Variants in ATP13A2 observed in about 807,000 individuals in gnomAD.
ATP13A2 encodes the protein ATPase cation transporting 13A2, also known as polyamine-transporting ATPase 13A2.
Under a neutral mutation model 138.3 loss-of-function variants are expected in ATP13A2, and 83 were observed. The ratio of observed to expected loss-of-function variants is 0.60; its 90% CI spans 0.50 to 0.72. The LOEUF is 0.72. Ranked by LOEUF, ATP13A2 falls within the 30% of genes least tolerant of loss-of-function variation. The pLI is 0.00. For synonymous variants in ATP13A2, 663 were observed against 699.0 expected (o/e 0.95, Z 0.81); for missense variants, 1,402 against 1,606.4 (o/e 0.87, Z 2.17).
Position 16,996,440 on chromosome 1 carries a change from TGATGG to T in ATP13A2, c.1247_1251del (p.Pro416GlnfsTer6). On this transcript the variant is annotated frameshift_variant, in exon 13 of 29. Transcript: ENST00000326735. LOFTEE classifies it high-confidence loss of function. ...ATGCTGTGTTTATAGAACTTGAAGT[TGATGG>T]GCCGGGGGTGCAAGATGGAGCTCAC... 6.2e-7 allele frequency: 1 copy of T among 1,614,114 alleles called. No homozygotes were observed. The highest frequency in any genetic ancestry group is 8.5e-7 in the Non-Finnish European group (1 of 1,180,012).
At position 16,995,822 on chromosome 1, in the gene ATP13A2, G is replaced by A. The variant is rs756154045; in HGVS notation, c.1542+154C>T. On this transcript the variant is annotated intron_variant, in intron 15 of 28. Transcript: ENST00000326735. The surrounding 1 kb of genome is among the most constrained non-coding windows in gnomAD (Gnocchi z 4.1). ...CAGACCGTGAGCCCAGTGAGGGCAGGAGTGGGATGGGGTGGATCCTCTGGG... is the reference window on the plus strand; with the variant it reads ...CAGACCGTGAGCCCAGTGAGGGCAGAAGTGGGATGGGGTGGATCCTCTGGG... 4.5e-6 allele frequency: 4 copies of A among 886,070 alleles called. No individual in the cohort carries two copies. The highest frequency in any genetic ancestry group is 1.7e-5 in the African/African-American group (1 of 60,606). The allele number at this position is 886,070 out of a possible 1,614,324, so 54.9% of individuals were successfully genotyped here. A position where few individuals can be genotyped will look rare whatever the true frequency, so the allele number is the denominator to read the frequency against.
At chr1:17,001,897 T>G (rs1170867447) in intron 8 of ATP13A2, 137 bp downstream of exon 8, 9 of 879,620 alleles carry the variant, frequency 1.0e-5, no homozygotes, top group East Asian at 2.7e-5. Flanking sequence ...CGGCAGGTTC[T>G]GAGATGACGA....
At position 16,991,758 on chromosome 1, in the gene ATP13A2, G is replaced by A. The variant is rs375764016; in HGVS notation, c.2227C>T (p.Arg743Cys). 41 of 1,614,130 alleles carry A rather than the reference G, an allele frequency of 2.5e-5. No individual in the cohort carries two copies. The African/African-American group carries it at 3.7e-4, about 15-fold the overall frequency. Residue 743 changes from arginine (R) to cysteine (C), a missense_variant, in exon 20 of 29, where the codon CGC becomes TGC. By Grantham distance (180) the Arg-to-Cys change is radical. Coordinates refer to ENST00000326735, the MANE Select transcript of ATP13A2 (RefSeq NM_022089.4). ...TPVIQALRRT[R>C]IRAVMVTGDN... ...CCTGTCACCATGACGGCGCGGATGC[G>A]GGTCCTTCGCAGAGCCTGGATAACT...
chr1:16,986,097 G>A lies in ATP13A2; in HGVS notation c.*124C>T, dbSNP rs15786. 0.052 allele frequency: 81,081 copies of A among 1,559,316 alleles called. 2,562 individuals carry two copies. Among genetic ancestry groups the A allele is most frequent in the Non-Finnish European group, 0.061 (69,707 of 1,152,050 alleles). On this transcript the variant is annotated 3_prime_UTR_variant, in exon 29 of 29. Coordinates refer to ENST00000326735, the MANE Select transcript of ATP13A2 (RefSeq NM_022089.4). This position sits in a 1 kb window ranked among gnomAD's most constrained non-coding sequence, Gnocchi z 6.9. The stretch of plus-strand genomic sequence containing the variant: ...CCAGGGTGGGGGTGGTCTCGGGGGA[G>A]GAGTGTAGACAGTCGCCAACCTCAG...
At chr1:17,005,578 G>T in intron 2 of ATP13A2, 22 bp from the exon 3 acceptor site, 1 of 1,614,206 alleles carries the variant, frequency 6.2e-7, no homozygotes, top group Non-Finnish European at 8.5e-7. Context: ...GCGAGAGAGG[G>T]CCCAGGTCGG....
At position 16,997,414 on chromosome 1, in the gene ATP13A2, C is replaced by CGGGGGG. The variant is rs1379881479; in HGVS notation, c.1040-245_1040-240dup. On this transcript the variant is annotated intron_variant, in intron 11 of 28. Coordinates refer to ENST00000326735, the MANE Select transcript of ATP13A2 (RefSeq NM_022089.4). ...GTGGCAGCCAGCTCCCTGGAACCAGCGGGGGGGGGTGGGTCAGACAGAGCA... is the reference window on the plus strand; with the variant it reads ...GTGGCAGCCAGCTCCCTGGAACCAGCGGGGGGGGGGGGGGGTGGGTCAGACAGAGCA... 8.0e-3 allele frequency among the ~76,000 whole-genome samples: 436 copies of CGGGGGG among 54,494 alleles called. 1 individual carries two copies. The highest frequency in any genetic ancestry group is 0.025 in the East Asian group (29 of 1,140). 35.8% of individuals were successfully genotyped at this position (54,494 alleles called of 152,430 possible).
chr1:17,001,833 G>A (rs2077369317), intron 8 of ATP13A2, among the ~76,000 whole-genome samples: 1 of 152,220 alleles, frequency 6.6e-6, no homozygotes. Context: ...TGTGACCCAA[G>A]CCTTGGGCAG....
chr1:17,011,684 C>A lies in ATP13A2; in HGVS notation c.10+45G>T. ...CAAGGGGTGACGACAACTGGCGGGC[C>A]GGGGACCGCGCCGGGCTCGGGGCCG... On this transcript the variant is annotated intron_variant, in intron 1 of 28. Transcript: ENST00000326735. The surrounding 1 kb of genome is among the most constrained non-coding windows in gnomAD (Gnocchi z 7.3). 6.8e-7 allele frequency: 1 copy of A among 1,481,084 alleles called. No homozygotes were observed. Among genetic ancestry groups the A allele is most frequent in the Admixed American group, 2.3e-5 (1 of 43,524 alleles). 91.7% of individuals were successfully genotyped at this position (1,481,084 alleles called of 1,614,324 possible).
chr1:16,991,573 C>T (rs1557679562), intron 20 of ATP13A2, among the ~76,000 whole-genome samples, 161 bp downstream of exon 20: 2 of 152,104 alleles, frequency 1.3e-5, no homozygotes, highest in East Asian at 1.9e-4. Flanking sequence ...TTACCACTTG[C>T]GGGGGGGATA....
chr1:16,994,565 G>T (rs1444911177), intron 15 of ATP13A2, among the ~76,000 whole-genome samples: 3 of 152,102 alleles, frequency 2.0e-5, no homozygotes, highest in Admixed American at 1.3e-4. Context: ...GCATGAGTCA[G>T]TGCCTGCGTT....
Position 17,011,251 on chromosome 1 carries a change from A to G in ATP13A2, c.10+478T>C, listed in dbSNP as rs2077776804. Among the ~76,000 whole-genome samples, 1 of 151,990 alleles carries G rather than the reference A, an allele frequency of 6.6e-6. No individual in the cohort carries two copies. The highest frequency in any genetic ancestry group is 2.1e-4 in the South Asian group (1 of 4,822). ...GAGGTCAGGAGTGGCGCTGTGGCCC[A>G]GGACATCTACCCAGGAAATGGAGTC... is the stretch of plus-strand genomic sequence containing the variant. On this transcript the variant is annotated intron_variant, in intron 1 of 28. Coordinates refer to ENST00000326735, the MANE Select transcript of ATP13A2 (RefSeq NM_022089.4). The surrounding 1 kb of genome is among the most constrained non-coding windows in gnomAD (Gnocchi z 7.3).
rs868731446 is a variant in ATP13A2, at chr1:16,986,218, G to A, written c.*3C>T. ...CAGTGTCTGGGGTGCCCGTGGGCCT[G>A]CACTACCTCAGGGGGCCGGCGGGCA... On this transcript the variant is annotated 3_prime_UTR_variant, in exon 29 of 29. Transcript: ENST00000326735. The surrounding 1 kb of genome is among the most constrained non-coding windows in gnomAD (Gnocchi z 6.9). The A allele has an allele frequency of 6.2e-7, 1 of 1,612,362 alleles. No individual in the cohort carries two copies. The highest frequency in any genetic ancestry group is 1.3e-5 in the African/African-American group (1 of 74,996).
chr1:16,992,671 G>A (rs1326998183), intron 16 of ATP13A2, 90 bp from the exon 17 acceptor site: 2 of 1,344,346 alleles, frequency 1.5e-6, no homozygotes, highest in Admixed American at 1.8e-5. Context: ...CTTCATGGGA[G>A]ACTGAATGGT....
At position 17,011,016 on chromosome 1, in the gene ATP13A2, C is replaced by A. The variant is rs185951019; in HGVS notation, c.10+713G>T. Among the ~76,000 whole-genome samples the A allele has an allele frequency of 6.2e-4, 94 of 152,216 alleles. No homozygotes were observed. Among genetic ancestry groups the A allele is most frequent in the Admixed American group, 2.3e-3 (35 of 15,292 alleles). On this transcript the variant is annotated intron_variant, in intron 1 of 28. Transcript: ENST00000326735. The surrounding 1 kb of genome is among the most constrained non-coding windows in gnomAD (Gnocchi z 7.3). ...CCTTCCCCTCCCTCGCCGGGGGGTG[C>A]ACTCTAGGCTGTGGGGCTGGGGGCT...
At chr1:16,991,371 T>C (rs562358264) in intron 20 of ATP13A2, among the ~76,000 whole-genome samples, 1 of 152,132 alleles carries the variant, frequency 6.6e-6, no homozygotes, top group South Asian at 2.1e-4. Flanking sequence ...AGGCATGAAG[T>C]ACCGTGCCCG....
At chr1:16,996,838 C>A in intron 12 of ATP13A2, 182 bp downstream of exon 12, 1 of 819,790 alleles carries the variant, frequency 1.2e-6, no homozygotes, top group Non-Finnish European at 2.0e-6. Flanking sequence ...TCTGGCCCAA[C>A]TTCTGCTAAG....
Position 16,986,484 on chromosome 1 carries a change from G to T in ATP13A2, c.3384C>A (p.Phe1128Leu). The T allele has an allele frequency of 6.2e-7, 1 of 1,612,378 alleles. No homozygotes were observed. Among genetic ancestry groups the T allele is most frequent in the Non-Finnish European group, 8.5e-7 (1 of 1,179,862 alleles). Residue 1128 changes from phenylalanine to leucine, a missense_variant, in exon 28 of 29, where the codon TTC becomes TTA. Physicochemically the swap from Phe to Leu is conservative, Grantham distance 22. Coordinates refer to ENST00000326735, the MANE Select transcript of ATP13A2 (RefSeq NM_022089.4). The surrounding 1 kb of genome is among the most constrained non-coding windows in gnomAD (Gnocchi z 6.9). ...LLLLGLVTLN[F>L]VGAFMLESVL... ...CCACCTCCAGCATGAAGGCCCCCAC[G>T]AAGTTGAGGGTGACCAGACCCAGCA...
chr1:16,993,682 C>T lies in ATP13A2; in HGVS notation c.1696G>A (p.Asp566Asn), dbSNP rs2100815502. 2 of 1,596,990 alleles carry T rather than the reference C, an allele frequency of 1.3e-6. No homozygotes were observed. The highest frequency in any genetic ancestry group is 1.3e-5 in the African/African-American group (1 of 74,864). ...TCCATGGGGTCGCCCACGGGGGTGT[C>T]CTGGAGCCGGCTGAGGGCATGGCAG... Reference protein sequence around the residue: ...ATCHALSRLQDTPVGDPMDLK... With the variant: ...ATCHALSRLQNTPVGDPMDLK... The change falls in exon 16 of 29, where the codon GAC (aspartate) becomes AAC (asparagine). Residue 566 changes from aspartate to asparagine, a missense_variant. Coordinates refer to ENST00000326735, the MANE Select transcript of ATP13A2 (RefSeq NM_022089.4).
rs896799605 is a variant in ATP13A2, at chr1:17,011,292, C to CCATTCATT, written c.10+429_10+436dup. ...AAATGGAGTCCCGACTCCCCCAACGCCATTCATTCATTCATTCAGCCCAGA... is the reference window on the plus strand; with the variant it reads ...AAATGGAGTCCCGACTCCCCCAACGCCATTCATTCATTCATTCATTCATTCAGCCCAGA... On this transcript the variant is annotated intron_variant, in intron 1 of 28. Coordinates refer to ENST00000326735, the MANE Select transcript of ATP13A2 (RefSeq NM_022089.4). This position sits in a 1 kb window ranked among gnomAD's most constrained non-coding sequence, Gnocchi z 7.3. Among the ~76,000 whole-genome samples the CCATTCATT allele has an allele frequency of 2.0e-5, 3 of 152,094 alleles. No individual in the cohort carries two copies. The highest frequency in any genetic ancestry group is 3.9e-4 in the East Asian group (2 of 5,166).
Sources: allele counts gnomAD v4.1 joint callset (sites outside exome capture counted in the v4.1 genomes callset), GRCh38; gene constraint gnomAD v4.1.1; non-coding constraint Gnocchi (gnomAD v3.1); transcripts MANE v1.5; gene names NCBI Gene and HGNC (gene_info 2026-07-23, HGNC 2026-07-21).